The following TMEM63B variants were observed in gnomAD, a reference collection of about 807,000 sequenced individuals.
The protein encoded by TMEM63B is transmembrane protein 63B, also known as mechanosensitive cation channel TMEM63B.
Under a neutral mutation model 102.6 loss-of-function variants are expected in TMEM63B, and 23 were observed. That is an observed-to-expected ratio of 0.22 (90% CI 0.16 to 0.32). The LOEUF (loss-of-function observed/expected upper bound fraction) is 0.32, where lower values mean the gene tolerates loss of function less well. TMEM63B is among the 10% of genes least tolerant of loss of function. The pLI, the probability that TMEM63B is intolerant of heterozygous loss-of-function variation, is 1.00. For missense variants in TMEM63B, 628 were observed against 1,095.9 expected, an observed-to-expected ratio of 0.57 and a Z score of 6.03; for synonymous variants, 444 against 437.0, an observed-to-expected ratio of 1.02 and a Z score of -0.20.
At position 44,142,992 on chromosome 6, in the gene TMEM63B, G is replaced by A. The variant is rs115000796; in HGVS notation, c.782+1894G>A. 7.0e-3 allele frequency among the ~76,000 whole-genome samples: 1,071 copies of A among 152,308 alleles called. 11 individuals carry two copies. Among genetic ancestry groups the A allele is most frequent in the African/African-American group, 0.025 (1,030 of 41,564 alleles). On this transcript the variant is annotated intron_variant, in intron 10 of 23. Transcript: ENST00000323267. The stretch of plus-strand genomic sequence containing the variant: ...CCACTGTACTCCAGCCTGGGTAATA[G>A]GGCAAGACCCTGTCTCAAAAAAGAA...
intron 10 of TMEM63B, among the ~76,000 whole-genome samples, chr6:44,142,563 G>T (rs910460746): frequency 6.6e-6 from 1 of 152,126 alleles, no homozygotes; most frequent in African/African-American, 2.4e-5. Context: ...TTCTCAGGGG[G>T]TTCATAGTAT....
chr6:44,152,087 G>A lies in TMEM63B; in HGVS notation c.1836+79G>A. ...AAGAAACAGCAGCCATCGCGCTAGGGTTGAGGGGCACAGGAGGGCTGAGAC... is the reference window on the plus strand; with the variant it reads ...AAGAAACAGCAGCCATCGCGCTAGGATTGAGGGGCACAGGAGGGCTGAGAC... On this transcript the variant is annotated intron_variant, in intron 19 of 23. Transcript: ENST00000323267. The surrounding 1 kb of genome is among the most constrained non-coding windows in gnomAD (Gnocchi z 6.4). 6.7e-7 allele frequency: 1 copy of A among 1,481,660 alleles called. No individual in the cohort carries two copies. Among genetic ancestry groups the A allele is most frequent in the South Asian group, 1.3e-5 (1 of 78,980 alleles). The allele number at this position is 1,481,660 out of a possible 1,614,324, so 91.8% of individuals were successfully genotyped here. A position where few individuals can be genotyped will look rare whatever the true frequency, so the allele number is the denominator to read the frequency against.
At chr6:44,137,356 C>A (rs1763172644) in intron 5 of TMEM63B, among the ~76,000 whole-genome samples, 1 of 152,208 alleles carries the variant, frequency 6.6e-6, no homozygotes, top group African/African-American at 2.4e-5. Context: ...TGGCCCTGGT[C>A]AGTCCCTCTT....
rs1767574765 is a variant in TMEM63B, at chr6:44,154,448, G to A, written c.2307+3G>A. On this transcript the variant is annotated splice_donor_region_variant and intron_variant, in intron 23 of 23. Transcript: ENST00000323267. ...CTGCTGCTGTCCCCAAATCTGCGGT[G>A]AGTGCCCTCAAGGGTTGGGAGGGGC... The A allele has an allele frequency of 6.2e-7, 1 of 1,613,828 alleles. No individual in the cohort carries two copies. Among genetic ancestry groups the A allele is most frequent in the Admixed American group, 1.7e-5 (1 of 59,994 alleles).
In TMEM63B at chr6:44,154,361, C is replaced by T; in HGVS notation, c.2227-4C>T. 1 of 1,613,916 alleles carries T rather than the reference C, an allele frequency of 6.2e-7. No individual in the cohort carries two copies. Among genetic ancestry groups the T allele is most frequent in the Non-Finnish European group, 8.5e-7 (1 of 1,179,902 alleles). On this transcript the variant is annotated splice_region_variant and splice_polypyrimidine_tract_variant and intron_variant, in intron 22 of 23. Coordinates refer to ENST00000323267, the MANE Select transcript of TMEM63B (RefSeq NM_018426.3). ...ACTTCCTGACTCATTCTGGGCCCCT[C>T]AAGATTGAGCACACGGAGACAGATA...
intron 1 of TMEM63B, among the ~76,000 whole-genome samples, chr6:44,128,581 C>T (rs1777681411): frequency 6.6e-6 from 1 of 152,274 alleles, no homozygotes; most frequent in African/African-American, 2.4e-5. Context: ...GTGCTGCCCC[C>T]TGCCTGGGTC....
intron 10 of TMEM63B, among the ~76,000 whole-genome samples, chr6:44,145,602 C>A (rs1391090726): frequency 6.6e-6 from 1 of 150,890 alleles, no homozygotes; most frequent in Non-Finnish European, 1.5e-5. Context: ...AAAAACAAAA[C>A]AAAACAAAAA....
In TMEM63B at chr6:44,149,973, G is replaced by A; in HGVS notation, c.1520+8G>A. The A allele has an allele frequency of 6.2e-7, 1 of 1,611,082 alleles. No individual in the cohort carries two copies. The highest frequency in any genetic ancestry group is 8.5e-7 in the Non-Finnish European group (1 of 1,178,246). The stretch of plus-strand genomic sequence containing the variant: ...TGAAGCCCACTGGACACGGTAAGGT[G>A]CCTCCACTCACACCACACCTCGCTG... On this transcript the variant is annotated splice_region_variant and intron_variant, in intron 16 of 23. Transcript: ENST00000323267.
chr6:44,136,579 A>G (rs989945395), intron 5 of TMEM63B, 140 bp downstream of exon 5: 77 of 658,628 alleles, frequency 1.2e-4, no homozygotes, highest in Non-Finnish European at 1.5e-4. Flanking sequence ...GATTCAACCA[A>G]GGAGCCACAG....
At position 44,148,197 on chromosome 6, in the gene TMEM63B, C is replaced by T; in HGVS notation, c.988-55C>T. On this transcript the variant is annotated intron_variant, in intron 12 of 23. Coordinates refer to ENST00000323267, the MANE Select transcript of TMEM63B (RefSeq NM_018426.3). The surrounding 1 kb of genome is among the most constrained non-coding windows in gnomAD (Gnocchi z 5.1). Reference sequence around the variant, plus strand: ...CCAAGTCAGCGTGGGCTGGATGCTGCAGGCCCCAGCCTGGCTTTCCAACTA... The same window carrying T: ...CCAAGTCAGCGTGGGCTGGATGCTGTAGGCCCCAGCCTGGCTTTCCAACTA... The T allele has an allele frequency of 6.2e-7, 1 of 1,605,840 alleles. No homozygotes were observed. Among genetic ancestry groups the T allele is most frequent in the South Asian group, 1.1e-5 (1 of 90,408 alleles).
chr6:44,126,953 T>A (rs376456280), upstream of TMEM63B: 1 of 152,026 alleles, frequency 6.6e-6, no homozygotes, highest in African/African-American at 2.4e-5. Context: ...CAGACCTAAG[T>A]TGGGAAAGGG....
At position 44,154,352 on chromosome 6, in the gene TMEM63B, T is replaced by C; in HGVS notation, c.2227-13T>C. 1 of 1,613,822 alleles carries C rather than the reference T, an allele frequency of 6.2e-7. No homozygotes were observed. The highest frequency in any genetic ancestry group is 8.5e-7 in the Non-Finnish European group (1 of 1,179,868). On this transcript the variant is annotated splice_polypyrimidine_tract_variant and intron_variant, in intron 22 of 23. Coordinates refer to ENST00000323267, the MANE Select transcript of TMEM63B (RefSeq NM_018426.3). ...CATGCCCCCACTTCCTGACTCATTC[T>C]GGGCCCCTCAAGATTGAGCACACGG...
At chr6:44,146,699 C>T in intron 10 of TMEM63B, 148 bp from the exon 11 acceptor site, 1 of 762,676 alleles carries the variant, frequency 1.3e-6, no homozygotes. Context: ...GATCCTCCCG[C>T]TTCGGCCCCC....
chr6:44,148,946 G>A lies in TMEM63B; in HGVS notation c.1413+1G>A, dbSNP rs112904960. ...CACCAAGCCTGTGGAGTACCTCAACGTGAGGCCTCATGCCCCTGTCACTTT... is the reference window on the plus strand; with the variant it reads ...CACCAAGCCTGTGGAGTACCTCAACATGAGGCCTCATGCCCCTGTCACTTT... On this transcript the variant is annotated splice_donor_variant, in intron 15 of 23. Coordinates refer to ENST00000323267, the MANE Select transcript of TMEM63B (RefSeq NM_018426.3). LOFTEE classifies it high-confidence loss of function. The surrounding 1 kb of genome is among the most constrained non-coding windows in gnomAD (Gnocchi z 5.1). The A allele has an allele frequency of 1.9e-6, 3 of 1,613,988 alleles. No homozygotes were observed. The highest frequency in any genetic ancestry group is 2.5e-6 in the Non-Finnish European group (3 of 1,180,008).
At position 44,152,285 on chromosome 6, in the gene TMEM63B, C is replaced by T. The variant is rs538118844; in HGVS notation, c.1836+277C>T. Among the ~76,000 whole-genome samples, 239 of 152,112 alleles carry T rather than the reference C, an allele frequency of 1.6e-3. 1 individual carries two copies. The highest frequency in any genetic ancestry group is 2.8e-3 in the Non-Finnish European group (189 of 67,956). ...CTGGGTCCCTAGCGCTAGGGTCCCT[C>T]TGTCTTAATAAGAGGGCTCTGGGCA... On this transcript the variant is annotated intron_variant, in intron 19 of 23. Coordinates refer to ENST00000323267, the MANE Select transcript of TMEM63B (RefSeq NM_018426.3). The surrounding 1 kb of genome is among the most constrained non-coding windows in gnomAD (Gnocchi z 6.4).
intron 10 of TMEM63B, among the ~76,000 whole-genome samples, chr6:44,145,658 A>G (rs1203066352): frequency 6.6e-6 from 1 of 151,868 alleles, no homozygotes; most frequent in East Asian, 1.9e-4. Flanking sequence ...TATTCCCTCC[A>G]GCCATGGTGG....
intron 1 of TMEM63B, among the ~76,000 whole-genome samples, chr6:44,132,556 T>G (rs988118097): frequency 6.6e-6 from 1 of 151,324 alleles, no homozygotes; most frequent in African/African-American, 2.4e-5. Context: ...CTAGTTAGAG[T>G]CCCCCCAACC....
chr6:44,150,164 G>T lies in TMEM63B; in HGVS notation c.1521-60G>T. On this transcript the variant is annotated intron_variant, in intron 16 of 23. Coordinates refer to ENST00000323267, the MANE Select transcript of TMEM63B (RefSeq NM_018426.3). The surrounding 1 kb of genome is among the most constrained non-coding windows in gnomAD (Gnocchi z 4.7). ...TCCTTGGACATTGTCCTTGTTGGGGGAGCAAGTCTGGGGCCTGGGCTCACT... is the reference window on the plus strand; with the variant it reads ...TCCTTGGACATTGTCCTTGTTGGGGTAGCAAGTCTGGGGCCTGGGCTCACT... 6.5e-7 allele frequency: 1 copy of T among 1,537,566 alleles called. No individual in the cohort carries two copies. The highest frequency in any genetic ancestry group is 9.0e-7 in the Non-Finnish European group (1 of 1,115,786).
intron 10 of TMEM63B, among the ~76,000 whole-genome samples, chr6:44,142,283 A>G (rs1221910235): frequency 1.3e-5 from 2 of 151,706 alleles, no homozygotes; most frequent in Non-Finnish European, 2.9e-5. Context: ...AAAAAAAAAA[A>G]AAAATCATTG....
Sources: gnomAD v4.1 joint callset for allele counts (sites outside exome capture counted in the v4.1 genomes callset) on GRCh38, gnomAD v4.1.1 for gene constraint, Gnocchi (gnomAD v3.1) non-coding constraint, MANE v1.5 for transcripts, NCBI Gene and HGNC (gene_info 2026-07-23, HGNC 2026-07-21) for gene names.